The following DACT2 variants were observed in gnomAD, a reference collection of about 807,000 sequenced individuals.
The protein encoded by DACT2 is dishevelled binding antagonist of beta catenin 2.
DACT2 carries 20 observed loss-of-function variants against 22.2 expected under a neutral mutation model. The observed-to-expected ratio is 0.90, with a 90% CI of 0.63 to 1.31. The LOEUF (loss-of-function observed/expected upper bound fraction) is 1.31, where lower values mean the gene tolerates loss of function less well. Among genes scored for constraint, DACT2 ranks in the 50% most tolerant of loss-of-function variants. DACT2 has a pLI of 0.00. For synonymous variants in DACT2, 463 were observed against 479.8 expected (o/e 0.96, Z 0.46); for missense variants, 1,048 against 1,061.4 (o/e 0.99, Z 0.18).
chr6:168,311,281 G>A lies in DACT2; in HGVS notation c.250C>T (p.Arg84Trp), dbSNP rs181265203. Residue 84 changes from arginine (R) to tryptophan (W), a missense_variant, in exon 2 of 4, where the codon CGG (arginine) becomes TGG (tryptophan). Physicochemically the swap from Arg to Trp is moderately radical, Grantham distance 101. Coordinates refer to ENST00000366795, the MANE Select transcript of DACT2 (RefSeq NM_214462.5). ...ALAALQEQLS[R>W]LRQQDIGLKT... is the part of the protein sequence containing the mutation. The stretch of plus-strand genomic sequence containing the variant: ...AGGCCGATGTCCTGTTGTCTCAGCC[G>A]GGACTGAGAAGGGAAAGAAGAGAAA... 2.7e-4 allele frequency: 417 copies of A among 1,543,178 alleles called. 3 individuals carry two copies. Among genetic ancestry groups the A allele is most frequent in the Non-Finnish European group, 9.7e-5 (111 of 1,139,856 alleles).
intron 4 of DACT2, chr6:168,294,275 G>T (rs887335476): frequency 2.8e-6 from 2 of 702,360 alleles, no homozygotes; most frequent in East Asian, 2.7e-5. Context: ...CCGAATGCTT[G>T]CCGTTTCACT....
chr6:168,305,105 G>A (rs1190460337), downstream of DACT2, among the ~76,000 whole-genome samples: 1 of 152,176 alleles, frequency 6.6e-6, no homozygotes, highest in Non-Finnish European at 1.5e-5. Flanking sequence ...CATTATTGAG[G>A]AAGAGAGAGA....
Position 168,310,463 on chromosome 6 carries a change from A to C in DACT2, c.380-17T>G. The C allele has an allele frequency of 6.5e-7, 1 of 1,538,432 alleles. No homozygotes were observed. Among genetic ancestry groups the C allele is most frequent in the Admixed American group, 2.2e-5 (1 of 46,434 alleles). The stretch of plus-strand genomic sequence containing the variant: ...CGTAAAAGCCTGGACGGAGCAGACA[A>C]GGCAGGTCAGTGACCCCCATCCAGA... On this transcript the variant is annotated splice_polypyrimidine_tract_variant and intron_variant, in intron 2 of 3. Transcript: ENST00000366795.
At position 168,307,647 on chromosome 6, in the gene DACT2, C is replaced by T. The variant is rs376125439; in HGVS notation, c.2110G>A (p.Glu704Lys). 32 of 1,547,498 alleles carry T rather than the reference C, an allele frequency of 2.1e-5. No individual in the cohort carries two copies. The highest frequency in any genetic ancestry group is 8.2e-5 in the African/African-American group (6 of 73,100). The change falls in exon 4 of 4, where the codon GAG becomes AAG. Residue 704 changes from glutamate to lysine, a missense_variant. Transcript: ENST00000366795. The surrounding 1 kb of genome is among the most constrained non-coding windows in gnomAD (Gnocchi z 5.3). Reference protein sequence around the residue: ...FGDRESSSSDEEGGAQSRDCD... With the variant: ...FGDRESSSSDKEGGAQSRDCD... ...TCCCTGCTCTGGGCGCCGCCCTCCT[C>T]GTCGCTGCTGCTGGACTCACGGTCT... is the stretch of plus-strand genomic sequence containing the variant.
Position 168,308,924 on chromosome 6 carries a change from G to T in DACT2, c.833C>A (p.Pro278His). 6.4e-7 allele frequency: 1 copy of T among 1,550,570 alleles called. No individual in the cohort carries two copies. Residue 278 changes from proline to histidine, a missense_variant, in exon 4 of 4, where the codon CCC (proline) becomes CAC (histidine). By Grantham distance (77) the Pro-to-His change is moderately conservative (BLOSUM62 -2). Coordinates refer to ENST00000366795, the MANE Select transcript of DACT2 (RefSeq NM_214462.5). ...GCTCTGTAGAGCCACGGCGTGCAGG[G>T]GGCTGGGGTACGGGTACACCTCCCT... ...GGREVYPYPS[P>H]LHAVALQSPL...
In DACT2 at chr6:168,308,802, T is replaced by C. The variant is rs1045582968; in HGVS notation, c.955A>G (p.Thr319Ala). ...RGPAGLNTIQ[T>A]GPVLEAGPAR... The stretch of plus-strand genomic sequence containing the variant: ...GGGCCAGCCTCGAGGACCGGCCCAG[T>C]CTGGATGGTGTTCAGACCTGCGGGG... Residue 319 changes from threonine (T) to alanine (A), a missense_variant, in exon 4 of 4, where the codon ACT becomes GCT. Thr to Ala is a moderately conservative substitution (Grantham distance 58, BLOSUM62 0). Coordinates refer to ENST00000366795, the MANE Select transcript of DACT2 (RefSeq NM_214462.5). 7 of 1,551,280 alleles carry C rather than the reference T, an allele frequency of 4.5e-6. No homozygotes were observed. The highest frequency in any genetic ancestry group is 6.1e-6 in the Non-Finnish European group (7 of 1,146,992).
chr6:168,310,265 C>A lies in DACT2; in HGVS notation c.561G>T (p.Trp187Cys). Residue 187 changes from tryptophan (W) to cysteine (C), a missense_variant, in exon 3 of 4, where the codon TGG becomes TGT. By Grantham distance (215) the Trp-to-Cys change is radical (BLOSUM62 -2). Transcript: ENST00000366795. ...RSVDETTVPA[W>C]RPQATEEGAR... ...CGCCCTCCTCGGTAGCCTGGGGTCT[C>A]CACGCTGGCACAGTAGTCTCATCAA... 2.6e-6 allele frequency: 4 copies of A among 1,551,458 alleles called. No homozygotes were observed. The highest frequency in any genetic ancestry group is 3.5e-6 in the Non-Finnish European group (4 of 1,146,988).
At chr6:168,300,091 T>A (rs548633948) in intron 3 of DACT2, 2 of 152,244 alleles carry the variant, frequency 1.3e-5, no homozygotes, top group Non-Finnish European at 1.5e-5. Context: ...GTAAGGAGTG[T>A]TGTCCTAAGG....
chr6:168,307,397 G>T lies in DACT2; in HGVS notation c.*35C>A. 1 of 1,550,024 alleles carries T rather than the reference G, an allele frequency of 6.5e-7. No homozygotes were observed. Among genetic ancestry groups the T allele is most frequent in the Non-Finnish European group, 8.7e-7 (1 of 1,146,338 alleles). ...GACACTGCATGGAAAGGGCCCCTGTGTGCAGCAGGCTTCTCTTGACGCAGT... is the reference window on the plus strand; with the variant it reads ...GACACTGCATGGAAAGGGCCCCTGTTTGCAGCAGGCTTCTCTTGACGCAGT... On this transcript the variant is annotated 3_prime_UTR_variant, in exon 4 of 4. Transcript: ENST00000366795. The surrounding 1 kb of genome is among the most constrained non-coding windows in gnomAD (Gnocchi z 5.3).
intron 1 of DACT2, 95 bp from the exon 2 acceptor site, chr6:168,311,379 T>A: frequency 7.1e-7 from 1 of 1,402,866 alleles, no homozygotes; most frequent in Non-Finnish European, 9.5e-7. Flanking sequence ...GAATGCAATT[T>A]AAACTCCCAA....
Position 168,319,502 on chromosome 6 carries a change from C to G in DACT2, c.132G>C (p.Arg44=), listed in dbSNP as rs1779595211. 2 of 1,310,258 alleles carry G rather than the reference C, an allele frequency of 1.5e-6. No homozygotes were observed. Among genetic ancestry groups the G allele is most frequent in the Non-Finnish European group, 2.0e-6 (2 of 1,023,342 alleles). 81.2% of individuals were successfully genotyped at this position (1,310,258 alleles called of 1,614,324 possible). A position where few individuals can be genotyped will look rare whatever the true frequency, so the allele number is the denominator to read the frequency against. ...GLRATQQERV[R]GALALQPPPA... ...GCGGGGGCTGCAGGGCCAGGGCGCC[C>G]CGTACCCGCTCCTGCTGCGTGGCTC... Residue 44 remains arginine (R), a synonymous_variant, in exon 1 of 4, where the codon CGG becomes CGC. Coordinates refer to ENST00000366795, the MANE Select transcript of DACT2 (RefSeq NM_214462.5).
Position 168,307,027 on chromosome 6 carries a change from A to G in DACT2, c.*405T>C. The G allele has an allele frequency of 3.0e-6, 3 of 1,012,024 alleles. No individual in the cohort carries two copies. The highest frequency in any genetic ancestry group is 3.5e-6 in the Non-Finnish European group (3 of 846,592). 62.7% of individuals were successfully genotyped at this position (1,012,024 alleles called of 1,614,324 possible). ...TCAATTTCCAGCTCAGAGTCCTGCA[A>G]CCGCCTCTTTAAAATGCTTTTGGGG... On this transcript the variant is annotated 3_prime_UTR_variant, in exon 4 of 4. Coordinates refer to ENST00000366795, the MANE Select transcript of DACT2 (RefSeq NM_214462.5). The surrounding 1 kb of genome is among the most constrained non-coding windows in gnomAD (Gnocchi z 5.3).
chr6:168,305,109 A>G (rs557362550), downstream of DACT2, among the ~76,000 whole-genome samples: 7 of 152,294 alleles, frequency 4.6e-5, no homozygotes, highest in African/African-American at 1.4e-4. Context: ...ATTGAGGAAG[A>G]GAGAGAGGAT....
chr6:168,300,381 A>G (rs187273056), intron 3 of DACT2: 1 of 152,206 alleles, frequency 6.6e-6, no homozygotes, highest in East Asian at 1.9e-4. Flanking sequence ...TGGCTGCTTC[A>G]TCGTCATGGA....
downstream of DACT2, among the ~76,000 whole-genome samples, chr6:168,304,836 C>A (rs1009222613): frequency 7.9e-5 from 12 of 152,312 alleles, no homozygotes; most frequent in African/African-American, 2.6e-4. Flanking sequence ...TGCCTGGTCC[C>A]GCAGAACACT....
chr6:168,293,800 A>T, exon 6 of DACT2: 1 of 698,300 alleles, frequency 1.4e-6, no homozygotes, highest in South Asian at 1.5e-5. Context: ...GGGGCCGATG[A>T]TATCGGGAGA....
chr6:168,294,032 C>T (rs1420286791), intron 5 of DACT2: 9 of 702,948 alleles, frequency 1.3e-5, no homozygotes, highest in Non-Finnish European at 1.8e-5. Flanking sequence ...CTTTGCCTCC[C>T]CGTCCCCACA....
At chr6:168,294,738 C>G in intron 3 of DACT2, 2 of 1,159,692 alleles carry the variant, frequency 1.7e-6, no homozygotes, top group Non-Finnish European at 1.2e-6. Flanking sequence ...TGCGTGAGAG[C>G]TACAGAACAC....
exon 6 of DACT2, chr6:168,292,844 C>T (rs181046362): frequency 1.3e-5 from 2 of 152,222 alleles, no homozygotes; most frequent in East Asian, 3.9e-4. Flanking sequence ...CTTTTACATA[C>T]CATTTATTGA....
Sources: allele counts gnomAD v4.1 joint callset (sites outside exome capture counted in the v4.1 genomes callset), GRCh38; gene constraint gnomAD v4.1.1; non-coding constraint Gnocchi (gnomAD v3.1); transcripts MANE v1.5; gene names NCBI Gene and HGNC (gene_info 2026-07-23, HGNC 2026-07-21).